Variants in SUSD6 observed in about 807,000 individuals in gnomAD.
SUSD6 encodes sushi domain-containing protein 6.
Under a neutral mutation model 28.4 loss-of-function variants are expected in SUSD6, and 16 were observed. The observed-to-expected ratio is 0.56, with a 90% confidence interval of 0.38 to 0.86. SUSD6 has a LOEUF of 0.86. Among genes scored for constraint, SUSD6 ranks in the 40% least tolerant of loss-of-function variants. The pLI is 0.00. For missense variants in SUSD6, 341 were observed against 384.2 expected, an observed-to-expected ratio of 0.89 and a Z score of 0.94; for synonymous variants, 147 against 159.6, an observed-to-expected ratio of 0.92 and a Z score of 0.59.
At chr14:69,686,104 G>A (rs1243090141) in intron 2 of SUSD6, among the ~76,000 whole-genome samples, 4 of 152,216 alleles carry the variant, frequency 2.6e-5, no homozygotes, top group Non-Finnish European at 5.9e-5. Flanking sequence ...AAAGTTGATA[G>A]AATTGGAAGA....
At chr14:69,640,443 T>A (rs1014323237) in intron 1 of SUSD6, among the ~76,000 whole-genome samples, 15 of 152,208 alleles carry the variant, frequency 9.9e-5, no homozygotes, top group Admixed American at 5.2e-4. Context: ...AAGTGATTTC[T>A]CCTGTCTCAG....
chr14:69,692,462 A>T (rs1886166868), intron 2 of SUSD6, among the ~76,000 whole-genome samples: 1 of 152,178 alleles, frequency 6.6e-6, no homozygotes, highest in Non-Finnish European at 1.5e-5. Context: ...GTCCATTACT[A>T]AATTTTTCAG....
At chr14:69,623,362 G>A (rs533143641) in intron 1 of SUSD6, among the ~76,000 whole-genome samples, 1 of 152,220 alleles carries the variant, frequency 6.6e-6, no homozygotes, top group African/African-American at 2.4e-5. Context: ...CCATGGTAAG[G>A]TCATAGCACA....
intron 2 of SUSD6, among the ~76,000 whole-genome samples, chr14:69,667,597 A>G (rs2139620687): frequency 6.6e-6 from 1 of 150,510 alleles, no homozygotes; most frequent in Non-Finnish European, 1.5e-5. Flanking sequence ...GTTAGCCAGG[A>G]TGGTCTCCAT....
chr14:69,684,127 A>G (rs1886037283), intron 2 of SUSD6, among the ~76,000 whole-genome samples: 1 of 152,222 alleles, frequency 6.6e-6, no homozygotes, highest in Non-Finnish European at 1.5e-5. Context: ...GGGGTCAAGC[A>G]TAATGTGTAG....
intron 1 of SUSD6, among the ~76,000 whole-genome samples, chr14:69,629,299 C>G (rs1413326359): frequency 6.6e-6 from 1 of 152,042 alleles, no homozygotes; most frequent in Admixed American, 6.6e-5. Context: ...ACCAGAGGAG[C>G]CTGGAGGACC....
At chr14:69,629,464 G>A (rs886590173) in intron 1 of SUSD6, among the ~76,000 whole-genome samples, 9 of 152,132 alleles carry the variant, frequency 5.9e-5, no homozygotes, top group African/African-American at 2.2e-4. Flanking sequence ...CCACCTCCGT[G>A]GATTACCATT....
intron 1 of SUSD6, 110 bp from the exon 2 acceptor site, chr14:69,658,403 C>T (rs1056528135): frequency 3.3e-6 from 2 of 609,762 alleles, no homozygotes; most frequent in East Asian, 2.9e-5. Context: ...CGAATAGTTG[C>T]TAGAATTCTC....
chr14:69,641,265 T>C (rs1373811996), intron 1 of SUSD6, among the ~76,000 whole-genome samples: 1 of 151,586 alleles, frequency 6.6e-6, no homozygotes, highest in Non-Finnish European at 1.5e-5. Flanking sequence ...TTCTTGGGGT[T>C]TGATGAGCTT....
At chr14:69,662,794 A>G (rs1885682397) in intron 2 of SUSD6, among the ~76,000 whole-genome samples, 1 of 152,326 alleles carries the variant, frequency 6.6e-6, no homozygotes, top group Admixed American at 6.5e-5. Flanking sequence ...GGCAAATCAC[A>G]TGACCTCTTT....
At position 69,653,690 on chromosome 14, in the gene SUSD6, G is replaced by A. The variant is rs549690729; in HGVS notation, c.-80-4823G>A. ...TACTGAAGTGAAATGGATTCTTTTT[G>A]TTTAAACAAAGTTTTAGCCTCAGTA... On this transcript the variant is annotated intron_variant, in intron 1 of 5. Coordinates refer to ENST00000342745, the MANE Select transcript of SUSD6 (RefSeq NM_014734.4). 3.2e-4 allele frequency among the ~76,000 whole-genome samples: 44 copies of A among 136,368 alleles called. 2 individuals are homozygous for A. In the South Asian group the frequency reaches 0.011, roughly 35 times the overall value. 89.5% of individuals were successfully genotyped at this position (136,368 alleles called of 152,430 possible).
chr14:69,679,680 G>T (rs1885969991), intron 2 of SUSD6, among the ~76,000 whole-genome samples: 1 of 151,910 alleles, frequency 6.6e-6, no homozygotes, highest in Non-Finnish European at 1.5e-5. Flanking sequence ...GAAGCCGAAA[G>T]ATTGGACACC....
chr14:69,682,590 C>T (rs1886012461), intron 2 of SUSD6, among the ~76,000 whole-genome samples: 1 of 152,122 alleles, frequency 6.6e-6, no homozygotes, highest in Admixed American at 6.5e-5. Context: ...TTGCCATCCA[C>T]TGAAGGAGTC....
intron 2 of SUSD6, among the ~76,000 whole-genome samples, chr14:69,702,619 A>G (rs781257987): frequency 7.9e-5 from 12 of 152,254 alleles, no homozygotes; most frequent in Non-Finnish European, 1.5e-4. Context: ...GAAAGAGCAG[A>G]GGTTTAGAAT....
intron 1 of SUSD6, among the ~76,000 whole-genome samples, chr14:69,652,319 C>T (rs369403952): frequency 6.6e-6 from 1 of 152,008 alleles, no homozygotes; most frequent in Non-Finnish European, 1.5e-5. Flanking sequence ...TGGTGGCGTG[C>T]GCCTGTAGTC....
chr14:69,620,889 G>A (rs1172186469), intron 1 of SUSD6, among the ~76,000 whole-genome samples: 1 of 152,198 alleles, frequency 6.6e-6, no homozygotes, highest in Non-Finnish European at 1.5e-5. Context: ...GGGAATAAGA[G>A]GATCAGTGGC....
chr14:69,657,204 C>T (rs980992567), intron 1 of SUSD6, among the ~76,000 whole-genome samples: 4 of 152,134 alleles, frequency 2.6e-5, no homozygotes, highest in African/African-American at 7.2e-5. Flanking sequence ...GCCTGTAATC[C>T]CAGCACTTTG....
intron 2 of SUSD6, among the ~76,000 whole-genome samples, chr14:69,678,526 G>A (rs1200245818): frequency 1.3e-5 from 2 of 152,048 alleles, no homozygotes; most frequent in South Asian, 2.1e-4. Context: ...GCTGCGGCTG[G>A]GCATGATGGC....
rs1886461991 is a variant in SUSD6, at chr14:69,711,437, C to T, written c.*458C>T. The stretch of plus-strand genomic sequence containing the variant: ...TAGTGGCTGCACTGCTGCCCCCTGC[C>T]ACACAGGGGGCCGGGCCTGGGTCTG... On this transcript the variant is annotated 3_prime_UTR_variant, in exon 6 of 6. Transcript: ENST00000342745. 1 of 169,652 alleles carries T rather than the reference C, an allele frequency of 5.9e-6. No individual in the cohort carries two copies. Among genetic ancestry groups the T allele is most frequent in the Admixed American group, 6.0e-5 (1 of 16,776 alleles). The allele number at this position is 169,652 out of a possible 1,614,324, so 10.5% of individuals were successfully genotyped here.
Sources: allele counts gnomAD v4.1 joint callset (sites outside exome capture counted in the v4.1 genomes callset), GRCh38; gene constraint gnomAD v4.1.1; transcripts MANE v1.5; gene names NCBI Gene and HGNC (gene_info 2026-07-23, HGNC 2026-07-21).